The following CTNNA2 variants were observed in gnomAD, a reference collection of about 807,000 sequenced individuals.
CTNNA2 encodes catenin alpha 2.
Under a neutral mutation model 101.0 loss-of-function variants are expected in CTNNA2, and 42 were observed. The observed-to-expected ratio is 0.42, with a 90% confidence interval of 0.32 to 0.54. The LOEUF (loss-of-function observed/expected upper bound fraction) is 0.54, where lower values mean the gene tolerates loss of function less well. Ranked by LOEUF, CTNNA2 falls within the 20% of genes least tolerant of loss-of-function variation. The pLI is 0.14. For synonymous variants in CTNNA2, 450 were observed against 456.4 expected, an observed-to-expected ratio of 0.99 and a Z score of 0.18; for missense variants, 871 against 1,223.1, an observed-to-expected ratio of 0.71 and a Z score of 4.29.
At chr2:80,185,279 T>C (rs1706048967) in intron 7 of CTNNA2, among the ~76,000 whole-genome samples, 1 of 152,186 alleles carries the variant, frequency 6.6e-6, no homozygotes, top group Admixed American at 6.5e-5. Flanking sequence ...GCTCGCAACA[T>C]GGTATATAGC....
At chr2:79,717,842 G>A (rs1181913562) in intron 2 of CTNNA2, among the ~76,000 whole-genome samples, 4 of 152,296 alleles carry the variant, frequency 2.6e-5, no homozygotes, top group South Asian at 4.1e-4. Flanking sequence ...GAGAGTGAAT[G>A]CTGCTTCATG....
chr2:79,630,912 C>T (rs1413374214), intron 1 of CTNNA2, among the ~76,000 whole-genome samples: 1 of 151,554 alleles, frequency 6.6e-6, no homozygotes, highest in Non-Finnish European at 1.5e-5. Context: ...TGTATGCATA[C>T]ATAGATAAGG....
At chr2:79,568,665 T>C (rs922709016) in intron 1 of CTNNA2, among the ~76,000 whole-genome samples, 3 of 151,766 alleles carry the variant, frequency 2.0e-5, no homozygotes, top group African/African-American at 7.3e-5. Flanking sequence ...AATTAAAGAA[T>C]TCATGATGAA....
At chr2:80,218,876 A>G (rs1012633379) in intron 7 of CTNNA2, among the ~76,000 whole-genome samples, 1 of 152,230 alleles carries the variant, frequency 6.6e-6, no homozygotes, top group African/African-American at 2.4e-5. Flanking sequence ...TATCTGAGGT[A>G]TAGGATAATA....
chr2:80,640,041 G>A (rs1275178003), intron 18 of CTNNA2, among the ~76,000 whole-genome samples: 2 of 152,084 alleles, frequency 1.3e-5, no homozygotes, highest in Non-Finnish European at 2.9e-5. Flanking sequence ...GGCGGAGGTT[G>A]CAGTGAGCCG....
chr2:79,598,299 T>C (rs1018824569), intron 1 of CTNNA2, among the ~76,000 whole-genome samples: 8 of 152,208 alleles, frequency 5.3e-5, no homozygotes, highest in African/African-American at 1.4e-4. Flanking sequence ...TGTGGACACA[T>C]GATTTCATTT....
chr2:79,185,793 T>C (rs911433863), intron 1 of CTNNA2, among the ~76,000 whole-genome samples: 2 of 152,238 alleles, frequency 1.3e-5, no homozygotes, highest in East Asian at 1.9e-4. Context: ...TGTTAGATTG[T>C]GTTCTTTTGA....
intron 7 of CTNNA2, among the ~76,000 whole-genome samples, chr2:80,001,193 CTG>C (rs1692922627): frequency 6.6e-6 from 1 of 152,116 alleles, no homozygotes; most frequent in African/African-American, 2.4e-5. Context: ...TCCCTGGAGT[CTG>C]TGTCACCAGT....
chr2:79,714,929 G>A lies in CTNNA2; in HGVS notation c.103-29458G>A, dbSNP rs577701833. Among the ~76,000 whole-genome samples the A allele has an allele frequency of 4.0e-5, 6 of 151,028 alleles. No individual in the cohort carries two copies. In the East Asian group the frequency reaches 5.9e-4, roughly 15 times the overall value. ...GAGAAGGACGAGCGCGGTAGCTCAC[G>A]CCTATAATCCCAGCACTTTGGGAGG... On this transcript the variant is annotated intron_variant, in intron 2 of 18. Coordinates refer to ENST00000402739, the MANE Select transcript of CTNNA2 (RefSeq NM_001282597.3).
At chr2:79,524,427 C>T (rs1341229892) in intron 1 of CTNNA2, among the ~76,000 whole-genome samples, 2 of 151,400 alleles carry the variant, frequency 1.3e-5, no homozygotes, top group South Asian at 2.1e-4. Context: ...TCTCCTGTCA[C>T]TTTGTTGAAA....
chr2:80,546,343 TTGA>T (rs1172763516), intron 11 of CTNNA2, among the ~76,000 whole-genome samples: 1 of 152,228 alleles, frequency 6.6e-6, no homozygotes, highest in African/African-American at 2.4e-5. Context: ...AGGATGGCCT[TTGA>T]TGTATCTGAA....
At chr2:79,935,352 C>CTT (rs56252618) in intron 7 of CTNNA2, among the ~76,000 whole-genome samples, 2,744 of 144,684 alleles carry the variant, frequency 0.019, 105 homozygotes, top group African/African-American at 0.064. Flanking sequence ...CTCTCTCTCT[C>CTT]TTTTTTTTTT....
chr2:80,428,173 G>C (rs61306246), intron 9 of CTNNA2, among the ~76,000 whole-genome samples: 2,127 of 152,310 alleles, frequency 0.014, 50 homozygotes, highest in African/African-American at 0.048. Flanking sequence ...AAAGAGACCA[G>C]TGTGACTGGA....
chr2:80,568,285 A>T (rs1284035811), intron 12 of CTNNA2, among the ~76,000 whole-genome samples: 2 of 152,198 alleles, frequency 1.3e-5, no homozygotes, highest in African/African-American at 4.8e-5. Context: ...GAGACTTGTT[A>T]TGTGAAATGT....
intron 3 of CTNNA2, among the ~76,000 whole-genome samples, chr2:79,324,893 A>G (rs556062995): frequency 4.6e-5 from 7 of 152,322 alleles, no homozygotes; most frequent in Non-Finnish European, 8.8e-5. Context: ...CCAGAAATGA[A>G]GATGCAACCT....
At chr2:79,966,438 G>A (rs1180520862) in intron 7 of CTNNA2, among the ~76,000 whole-genome samples, 2 of 152,078 alleles carry the variant, frequency 1.3e-5, no homozygotes, top group Non-Finnish European at 2.9e-5. Context: ...GTCTTTCTAT[G>A]TTGTTTAGCC....
At chr2:80,477,058 G>A (rs978168717) in intron 9 of CTNNA2, among the ~76,000 whole-genome samples, 13 of 152,162 alleles carry the variant, frequency 8.5e-5, no homozygotes, top group African/African-American at 3.1e-4. Context: ...GGTTGGATTT[G>A]TAAAATGACT....
intron 8 of CTNNA2, among the ~76,000 whole-genome samples, chr2:80,409,691 T>C (rs1679392599): frequency 6.6e-6 from 1 of 152,222 alleles, no homozygotes; most frequent in African/African-American, 2.4e-5. Context: ...TGAGGACTTC[T>C]TATTTCTCTT....
intron 5 of CTNNA2, among the ~76,000 whole-genome samples, chr2:79,871,848 C>A (rs1183312409): frequency 2.0e-5 from 3 of 152,170 alleles, no homozygotes; most frequent in Admixed American, 2.0e-4. Context: ...GGGCCATCAG[C>A]ATGTAGCTGA....
Sources: allele counts gnomAD v4.1 joint callset (sites outside exome capture counted in the v4.1 genomes callset), GRCh38; gene constraint gnomAD v4.1.1; transcripts MANE v1.5; gene names NCBI Gene and HGNC (gene_info 2026-07-23, HGNC 2026-07-21).